SYT1: variants seen among roughly 807,000 people sequenced by gnomAD.
SYT1 encodes synaptotagmin 1, also known as synaptotagmin-1.
Under a neutral mutation model 44.8 loss-of-function variants are expected in SYT1, and 8 were observed. The observed-to-expected ratio is 0.18, with a 90% CI of 0.10 to 0.32. The LOEUF (loss-of-function observed/expected upper bound fraction) is 0.32, where lower values mean the gene tolerates loss of function less well. Ranked by LOEUF, SYT1 falls within the 10% of genes least tolerant of loss-of-function variation. SYT1 has a pLI of 1.00. For missense variants in SYT1, 286 were observed against 509.3 expected, an observed-to-expected ratio of 0.56 and a Z score of 4.22; for synonymous variants, 154 against 188.8, an observed-to-expected ratio of 0.82 and a Z score of 1.51.
chr12:79,046,090 T>C (rs1282120366), intron 2 of SYT1, among the ~76,000 whole-genome samples: 3 of 152,168 alleles, frequency 2.0e-5, no homozygotes, highest in African/African-American at 7.2e-5. Context: ...CAGGCAAACC[T>C]AGGTGCATTT....
chr12:78,879,202 A>G lies in SYT1; in HGVS notation c.-217+14093A>G, dbSNP rs182822167. 1.2e-3 allele frequency among the ~76,000 whole-genome samples: 178 copies of G among 151,874 alleles called. 1 individual carries two copies. Among genetic ancestry groups the G allele is most frequent in the African/African-American group, 4.0e-3 (165 of 41,494 alleles). ...GAGAGTGAATGACAGCTGAAACAGCAATGGCTTTATATAGGAGGTGATGCA... is the reference window on the plus strand; with the variant it reads ...GAGAGTGAATGACAGCTGAAACAGCGATGGCTTTATATAGGAGGTGATGCA... On this transcript the variant is annotated intron_variant, in intron 1 of 10. Coordinates refer to ENST00000261205, the MANE Select transcript of SYT1 (RefSeq NM_005639.3).
At chr12:79,111,845 T>A (rs10506811) in intron 3 of SYT1, among the ~76,000 whole-genome samples, 22,771 of 151,962 alleles carry the variant, frequency 0.15, 1,807 homozygotes, top group South Asian at 0.19. Flanking sequence ...TATAAGGCCT[T>A]CCTGTCATGT....
At chr12:79,005,845 G>A (rs1042234909) in intron 2 of SYT1, among the ~76,000 whole-genome samples, 1 of 151,972 alleles carries the variant, frequency 6.6e-6, no homozygotes, top group African/African-American at 2.4e-5. Flanking sequence ...TGTCATGAGG[G>A]CCCCAGTCTA....
Position 78,973,411 on chromosome 12 carries a change from C to T in SYT1, c.-216-4388C>T, listed in dbSNP as rs577772925. Among the ~76,000 whole-genome samples the T allele has an allele frequency of 1.1e-4, 16 of 152,184 alleles. No homozygotes were observed. In the South Asian group the frequency reaches 3.3e-3, roughly 32 times the overall value. ...ACATCTCCCCAGCCCAACATCTAAA[C>T]ACCCCAGGCCCTGATAACCGCCATT... On this transcript the variant is annotated intron_variant, in intron 1 of 10. Transcript: ENST00000261205.
At chr12:79,385,509 C>T (rs1279187306) in intron 9 of SYT1, among the ~76,000 whole-genome samples, 1 of 151,936 alleles carries the variant, frequency 6.6e-6, no homozygotes, top group East Asian at 1.9e-4. Flanking sequence ...TTTATTCCCC[C>T]CAAAATTGTC....
At chr12:78,930,684 G>A (rs1220087119) in intron 1 of SYT1, among the ~76,000 whole-genome samples, 1 of 151,206 alleles carries the variant, frequency 6.6e-6, no homozygotes, top group Non-Finnish European at 1.5e-5. Context: ...GGGAAGTGGT[G>A]AAAACTTAAA....
chr12:79,360,776 T>C (rs1383411527), intron 9 of SYT1, among the ~76,000 whole-genome samples: 1 of 152,176 alleles, frequency 6.6e-6, no homozygotes, highest in East Asian at 1.9e-4. Flanking sequence ...ACAATATTGA[T>C]AAAATAATCT....
intron 9 of SYT1, among the ~76,000 whole-genome samples, chr12:79,425,575 T>G (rs1451508678): frequency 1.3e-5 from 2 of 152,184 alleles, no homozygotes; most frequent in Non-Finnish European, 2.9e-5. Flanking sequence ...CTCACTAATA[T>G]TCTTAGGCTG....
chr12:78,967,432 A>T (rs1868274319), intron 1 of SYT1, among the ~76,000 whole-genome samples: 1 of 152,220 alleles, frequency 6.6e-6, no homozygotes, highest in African/African-American at 2.4e-5. Flanking sequence ...TAACAGCCTG[A>T]ATTAGTCAGT....
chr12:79,046,282 C>G (rs978118112), intron 2 of SYT1: 1 of 152,164 alleles, frequency 6.6e-6, no homozygotes, highest in African/African-American at 2.4e-5. Context: ...GCTAGAGCTG[C>G]TGATATTAAA....
At chr12:79,131,449 A>T (rs187554608) in intron 3 of SYT1, among the ~76,000 whole-genome samples, 111 of 152,186 alleles carry the variant, frequency 7.3e-4, no homozygotes, top group African/African-American at 2.6e-3. Context: ...AAAATCAGAA[A>T]ATATTACATA....
Position 79,450,765 on chromosome 12 carries a change from A to AAGAT in SYT1, c.*1643_*1646dup, listed in dbSNP as rs1236755788. ...CTGAAAAGCTATGCATAGGACAAGG[A>AAGAT]AGATACATAGAATGGGGTGGAACAC... On this transcript the variant is annotated 3_prime_UTR_variant, in exon 11 of 11. Coordinates refer to ENST00000261205, the MANE Select transcript of SYT1 (RefSeq NM_005639.3). 14 of 152,676 alleles carry AAGAT rather than the reference A, an allele frequency of 9.2e-5. No individual in the cohort carries two copies. Among genetic ancestry groups the AAGAT allele is most frequent in the African/African-American group, 2.9e-4 (12 of 41,468 alleles). The allele number at this position is 152,676 out of a possible 1,614,324, so 9.5% of individuals were successfully genotyped here. A position where few individuals can be genotyped will look rare whatever the true frequency, so the allele number is the denominator to read the frequency against.
chr12:79,115,227 C>T (rs1879214550), intron 3 of SYT1, among the ~76,000 whole-genome samples: 1 of 152,068 alleles, frequency 6.6e-6, no homozygotes, highest in Non-Finnish European at 1.5e-5. Context: ...CATGTCTAGT[C>T]CATTTTTATT....
At chr12:79,131,758 T>G (rs1384089861) in intron 3 of SYT1, among the ~76,000 whole-genome samples, 1 of 152,200 alleles carries the variant, frequency 6.6e-6, no homozygotes, top group African/African-American at 2.4e-5. Context: ...AATATATTTA[T>G]TTTGACTGTT....
intron 4 of SYT1, among the ~76,000 whole-genome samples, chr12:79,276,634 C>G (rs1348059003): frequency 6.6e-6 from 1 of 150,886 alleles, no homozygotes; most frequent in Non-Finnish European, 1.5e-5. Context: ...TAAGATCGCG[C>G]CACTGCACTC....
At chr12:78,903,137 A>C (rs1875755829) in intron 1 of SYT1, among the ~76,000 whole-genome samples, 2 of 152,068 alleles carry the variant, frequency 1.3e-5, no homozygotes, top group Non-Finnish European at 2.9e-5. Context: ...AGTAAAATAA[A>C]AAATCGTCAA....
At chr12:79,074,506 T>TA (rs1876503365) in intron 3 of SYT1, among the ~76,000 whole-genome samples, 1 of 152,208 alleles carries the variant, frequency 6.6e-6, no homozygotes, top group Non-Finnish European at 1.5e-5. Flanking sequence ...TTAAGTCTTT[T>TA]AAAAATCTAC....
chr12:79,402,440 G>C (rs1885104144), intron 9 of SYT1, among the ~76,000 whole-genome samples: 1 of 152,070 alleles, frequency 6.6e-6, no homozygotes, highest in African/African-American at 2.4e-5. Context: ...AATTCTGAAG[G>C]CTCTAATTTC....
At chr12:79,040,908 A>G (rs1485722168) in intron 2 of SYT1, among the ~76,000 whole-genome samples, 2 of 149,802 alleles carry the variant, frequency 1.3e-5, no homozygotes, top group African/African-American at 2.4e-5. Flanking sequence ...TGTTTTTCTC[A>G]GGTTTGTCAA....
Sources: gnomAD v4.1 joint callset for allele counts (sites outside exome capture counted in the v4.1 genomes callset) on GRCh38, gnomAD v4.1.1 for gene constraint, MANE v1.5 for transcripts, NCBI Gene and HGNC (gene_info 2026-07-23, HGNC 2026-07-21) for gene names.